PLCB4: variants seen among roughly 807,000 people sequenced by gnomAD.
PLCB4 encodes the protein phospholipase C beta 4.
Under a neutral mutation model 178.8 loss-of-function variants are expected in PLCB4, and 77 were observed. The ratio of observed to expected loss-of-function variants is 0.43; its 90% CI spans 0.36 to 0.52. The LOEUF is 0.52. Ranked by LOEUF, PLCB4 falls within the 20% of genes least tolerant of loss-of-function variation. PLCB4 has a pLI of 0.00. For synonymous variants in PLCB4, 496 were observed against 490.8 expected, an observed-to-expected ratio of 1.01 and a Z score of -0.14; for missense variants, 1,024 against 1,453.4, an observed-to-expected ratio of 0.70 and a Z score of 4.80.
chr20:9,215,055 T>C (rs2147261156), intron 2 of PLCB4, among the ~76,000 whole-genome samples: 1 of 152,174 alleles, frequency 6.6e-6, no homozygotes, highest in African/African-American at 2.4e-5. Flanking sequence ...TCAATGAGCT[T>C]TTTGGGAACT....
At chr20:9,133,941 A>T (rs7264121) in intron 2 of PLCB4, among the ~76,000 whole-genome samples, 19,910 of 152,292 alleles carry the variant, frequency 0.13, 1,516 homozygotes, top group Middle Eastern at 0.19. Context: ...ACATGCAAAG[A>T]GTGTGAAGAC....
intron 4 of PLCB4, among the ~76,000 whole-genome samples, chr20:9,327,777 A>G (rs1490255983): frequency 6.6e-6 from 1 of 151,390 alleles, no homozygotes; most frequent in Non-Finnish European, 1.5e-5. Context: ...CTCCATCTCG[A>G]AAAAAAAATA....
chr20:9,086,373 T>G lies in PLCB4; in HGVS notation c.-134-9914T>G, dbSNP rs145337521. ...TAGGGACTCTCCTTTGGGAGGAAGT[T>G]TAGCAAAATGGTTGTGAGCGTGTAT... On this transcript the variant is annotated intron_variant, in intron 1 of 39. Coordinates refer to ENST00000378473, the MANE Select transcript of PLCB4 (RefSeq NM_001377142.1). Among the ~76,000 whole-genome samples the G allele has an allele frequency of 5.7e-3, 864 of 152,104 alleles. 7 individuals carry two copies. The highest frequency in any genetic ancestry group is 0.02 in the African/African-American group (827 of 41,500).
intron 3 of PLCB4, among the ~76,000 whole-genome samples, chr20:9,295,643 A>G (rs2094625269): frequency 6.6e-6 from 1 of 152,168 alleles, no homozygotes; most frequent in Non-Finnish European, 1.5e-5. Context: ...ACATATGGCT[A>G]GCCAGTTTTC....
intron 33 of PLCB4, among the ~76,000 whole-genome samples, chr20:9,454,668 G>A (rs1414142836): frequency 1.3e-5 from 2 of 152,106 alleles, no homozygotes; most frequent in African/African-American, 4.8e-5. Context: ...TAATTTTCTT[G>A]GACATTGGTT....
intron 3 of PLCB4, 23 bp from the exon 4 acceptor site, chr20:9,307,777 G>A (rs781604244): frequency 6.3e-6 from 7 of 1,102,778 alleles, no homozygotes; most frequent in East Asian, 2.4e-5. Flanking sequence ...ATATACTAAC[G>A]AGCTATTCTT....
intron 36 of PLCB4, 128 bp from the exon 37 acceptor site, chr20:9,472,662 T>A (rs1311856497): frequency 3.8e-6 from 2 of 524,290 alleles, no homozygotes; most frequent in Non-Finnish European, 3.4e-6. Flanking sequence ...AATACTGCAA[T>A]AACAATTAGA....
At chr20:9,146,209 G>C (rs1176240359) in intron 2 of PLCB4, among the ~76,000 whole-genome samples, 1 of 152,010 alleles carries the variant, frequency 6.6e-6, no homozygotes, top group Non-Finnish European at 1.5e-5. Flanking sequence ...TTTCGGTGGG[G>C]GTGCCTACAT....
intron 37 of PLCB4, 41 bp downstream of exon 37, chr20:9,472,888 A>G (rs767360938): frequency 5.3e-6 from 6 of 1,136,082 alleles, no homozygotes; most frequent in Non-Finnish European, 7.9e-6. Flanking sequence ...TCCTTTAAAA[A>G]ACTATAAACA....
chr20:9,239,915 G>A (rs2094038569), intron 3 of PLCB4, among the ~76,000 whole-genome samples: 1 of 152,168 alleles, frequency 6.6e-6, no homozygotes, highest in African/African-American at 2.4e-5. Flanking sequence ...TCTAGCACAG[G>A]AGAAAGATGA....
In PLCB4 at chr20:9,087,429, AT is replaced by A. The variant is rs1555814628; in HGVS notation, c.-134-8850del. 9.1e-3 allele frequency among the ~76,000 whole-genome samples: 1,373 copies of A among 151,572 alleles called. 27 individuals are homozygous for A. The highest frequency in any genetic ancestry group is 0.032 in the African/African-American group (1,311 of 41,336). On this transcript the variant is annotated intron_variant, in intron 1 of 39. Transcript: ENST00000378473. ...TCTCTCCTCTCCTGTACTTTGAATG[AT>A]TTTTTTTGGCAGATCCTATAGCTTT...
At chr20:9,333,217 G>C (rs1319776845) in intron 4 of PLCB4, among the ~76,000 whole-genome samples, 1 of 152,042 alleles carries the variant, frequency 6.6e-6, no homozygotes, top group East Asian at 1.9e-4. Flanking sequence ...GATGTGCTAG[G>C]TGCTAGAACA....
At chr20:9,090,513 T>TG (rs1568730145) in intron 1 of PLCB4, among the ~76,000 whole-genome samples, 4 of 33,954 alleles carry the variant, frequency 1.2e-4, no homozygotes, top group Non-Finnish European at 1.6e-4. Flanking sequence ...TTTTAGTGTG[T>TG]TTTTTTTTTT....
At chr20:9,233,232 T>G (rs1401170682) in intron 3 of PLCB4, among the ~76,000 whole-genome samples, 1 of 152,152 alleles carries the variant, frequency 6.6e-6, no homozygotes, top group Non-Finnish European at 1.5e-5. Flanking sequence ...TAAAAAAATT[T>G]TATGTTTCCG....
chr20:9,253,537 T>C (rs2147498487), intron 3 of PLCB4, among the ~76,000 whole-genome samples: 1 of 152,286 alleles, frequency 6.6e-6, no homozygotes, highest in South Asian at 2.1e-4. Context: ...CCTGTTCCCG[T>C]CTCTTTTTCC....
At chr20:9,395,764 G>A (rs2038531056) in intron 19 of PLCB4, 146 bp downstream of exon 19, 1 of 560,350 alleles carries the variant, frequency 1.8e-6, no homozygotes, top group South Asian at 2.0e-5. Context: ...AGGAGTTCAA[G>A]ACCAGCCTGG....
At chr20:9,215,586 G>A (rs1235193047) in intron 2 of PLCB4, among the ~76,000 whole-genome samples, 2 of 152,046 alleles carry the variant, frequency 1.3e-5, no homozygotes, top group African/African-American at 4.8e-5. Flanking sequence ...ATTTGAAGTG[G>A]GATGTTGCTT....
chr20:9,429,030 G>T (rs1602635072), intron 28 of PLCB4, among the ~76,000 whole-genome samples: 1 of 152,134 alleles, frequency 6.6e-6, no homozygotes, highest in East Asian at 1.9e-4. Flanking sequence ...GTCTTTACTA[G>T]GAGAGACCAG....
At chr20:9,323,661 G>A (rs1431282462) in intron 4 of PLCB4, among the ~76,000 whole-genome samples, 1 of 152,204 alleles carries the variant, frequency 6.6e-6, no homozygotes, top group African/African-American at 2.4e-5. Context: ...CTATGGAGGT[G>A]TGTCGCTTAA....
Sources: allele counts gnomAD v4.1 joint callset (sites outside exome capture counted in the v4.1 genomes callset), GRCh38; gene constraint gnomAD v4.1.1; transcripts MANE v1.5; gene names NCBI Gene and HGNC (gene_info 2026-07-23, HGNC 2026-07-21).